Variants in FUNDC2 observed in about 807,000 individuals in gnomAD.
FUNDC2 encodes the protein FUN14 domain-containing protein 2.
FUNDC2 carries 4 observed loss-of-function variants against 15.6 expected under a neutral mutation model. The observed-to-expected ratio is 0.26, with a 90% CI of 0.13 to 0.59. FUNDC2 has a LOEUF of 0.59. Ranked by LOEUF, FUNDC2 falls within the 20% of genes least tolerant of loss-of-function variation. The probability of loss-of-function intolerance (pLI) is 0.90; values close to 1 mark genes in which losing one functional copy is unlikely to be tolerated. For missense variants in FUNDC2, 98 were observed against 149.7 expected (o/e 0.65, Z 1.80); for synonymous variants, 44 against 56.9 (o/e 0.77, Z 1.02).
intron 1 of FUNDC2, among the ~76,000 whole-genome samples, chrX:155,029,193 T>C (rs1029447640): frequency 6.3e-5 from 7 of 111,996 alleles, no homozygotes; most frequent in Non-Finnish European, 1.1e-4. Flanking sequence ...CTGACTCACA[T>C]AGAGTAGCAG....
At chrX:155,029,245 G>GT (rs1306677752) in intron 1 of FUNDC2, among the ~76,000 whole-genome samples, 1 of 112,113 alleles carries the variant, frequency 8.9e-6, no homozygotes, top group East Asian at 2.8e-4. Flanking sequence ...GACCCAGCCT[G>GT]TAAGTCTTCT....
At chrX:155,035,630 G>A (rs930123461) in intron 2 of FUNDC2, among the ~76,000 whole-genome samples, 49 of 111,613 alleles carry the variant, frequency 4.4e-4, no homozygotes, top group African/African-American at 1.5e-3. Context: ...TTTTAGAAGT[G>A]GAATTACATA....
Position 155,057,054 on chromosome X carries a change from AACGGCTGTGAGTTCTGCCC to A in FUNDC2, c.*2387_*2405del, listed in dbSNP as rs1240569363. On this transcript the variant is annotated 3_prime_UTR_variant, in exon 5 of 5. Transcript: ENST00000369498. ...GTTGGCCTCATCCTGCTAGTATGAGAACGGCTGTGAGTTCTGCCCACGGTGTGAGGCCACTGTGACCACT... is the reference window on the plus strand; with the variant it reads ...GTTGGCCTCATCCTGCTAGTATGAGAACGGTGTGAGGCCACTGTGACCACT... The A allele has an allele frequency of 5.1e-5, 5 of 97,175 alleles. No individual in the cohort carries two copies. Among genetic ancestry groups the A allele is most frequent in the African/African-American group, 7.4e-5 (2 of 27,151 alleles). 8.0% of individuals were successfully genotyped at this position (97,175 alleles called of 1,213,427 possible).
At chrX:155,028,379 C>T (rs1042784060) in intron 1 of FUNDC2, among the ~76,000 whole-genome samples, 4 of 111,935 alleles carry the variant, frequency 3.6e-5, no homozygotes, top group Non-Finnish European at 7.5e-5. Flanking sequence ...GGCTACAGCA[C>T]AGTGGCACAA....
intron 2 of FUNDC2, among the ~76,000 whole-genome samples, chrX:155,045,970 G>A (rs916753101): frequency 1.5e-4 from 17 of 110,625 alleles, no homozygotes; most frequent in African/African-American, 5.6e-4. Context: ...TATTCAAAAT[G>A]ACATTATCTC....
At chrX:155,037,760 AGGC>A (rs2073835944) in intron 2 of FUNDC2, among the ~76,000 whole-genome samples, 1 of 110,987 alleles carries the variant, frequency 9.0e-6, no homozygotes, top group Non-Finnish European at 1.9e-5. Context: ...CTGGGATTAT[AGGC>A]GTGAGCCACC....
chrX:155,041,930 G>A (rs5945278), intron 2 of FUNDC2, among the ~76,000 whole-genome samples: 24,959 of 106,433 alleles, frequency 0.23, 2,232 homozygotes, highest in South Asian at 0.37. Context: ...TTAGCCAGTC[G>A]TGGTGGCGGG....
intron 1 of FUNDC2, among the ~76,000 whole-genome samples, chrX:155,027,603 T>A (rs1177397421): frequency 8.9e-6 from 1 of 112,222 alleles, no homozygotes; most frequent in Non-Finnish European, 1.9e-5. Flanking sequence ...GTTTAGGTTG[T>A]ATTTAATTTA....
chrX:155,027,417 T>C (rs2073797428), intron 1 of FUNDC2: 1 of 137,445 alleles, frequency 7.3e-6, no homozygotes, highest in Non-Finnish European at 1.4e-5. Flanking sequence ...AAATGCCTCG[T>C]GGCGTCATTC....
chrX:155,046,124 A>C (rs1557290014), intron 2 of FUNDC2, among the ~76,000 whole-genome samples: 1 of 106,349 alleles, frequency 9.4e-6, no homozygotes, highest in Non-Finnish European at 1.9e-5. Flanking sequence ...TTTTTTCTTC[A>C]CAAACAGTTC....
rs148071362 is a variant in FUNDC2, at chrX:155,053,891, G to C, written c.493-704G>C. The C allele has an allele frequency of 6.7e-6, 5 of 750,069 alleles. No individual in the cohort carries two copies. The African/African-American group carries it at 1.2e-4, about 17-fold the overall frequency. The allele number at this position is 750,069 out of a possible 1,213,427, so 61.8% of individuals were successfully genotyped here. On this transcript the variant is annotated intron_variant, in intron 4 of 4. Transcript: ENST00000369498. Reference sequence around the variant, plus strand: ...CAAAATTGTCTCTGAAATTGGAAGGGTGGGGAGTGGTCAGGAGATTGGTAG... The same window carrying C: ...CAAAATTGTCTCTGAAATTGGAAGGCTGGGGAGTGGTCAGGAGATTGGTAG...
intron 4 of FUNDC2, among the ~76,000 whole-genome samples, chrX:155,052,322 G>C (rs2073881614): frequency 1.8e-5 from 2 of 112,269 alleles, no homozygotes; most frequent in Non-Finnish European, 3.8e-5. Context: ...GCTAACCCCT[G>C]ATCTTGTTCA....
At chrX:155,039,113 T>C (rs1416893528) in intron 2 of FUNDC2, among the ~76,000 whole-genome samples, 1 of 112,341 alleles carries the variant, frequency 8.9e-6, no homozygotes. Flanking sequence ...TGAGCATTTT[T>C]TTCATATACC....
intron 1 of FUNDC2, among the ~76,000 whole-genome samples, chrX:155,031,997 C>T (rs112172090): frequency 1.9e-5 from 2 of 104,873 alleles, no homozygotes; most frequent in African/African-American, 3.6e-5. Context: ...TTTTCTGAGA[C>T]GGAGTTTCAC....
At position 155,055,256 on chromosome X, in the gene FUNDC2, C is replaced by T. The variant is rs1238209527; in HGVS notation, c.*584C>T. The T allele has an allele frequency of 6.4e-5, 19 of 295,227 alleles. No individual in the cohort carries two copies. The highest frequency in any genetic ancestry group is 4.1e-4 in the South Asian group (2 of 4,851). The allele number at this position is 295,227 out of a possible 1,213,427, so 24.3% of individuals were successfully genotyped here. Reference sequence around the variant, plus strand: ...GATATTGTCCAGGAATGCTTTCTACCGTACAGGATAATGTATCTCATGGCT... The same window carrying T: ...GATATTGTCCAGGAATGCTTTCTACTGTACAGGATAATGTATCTCATGGCT... On this transcript the variant is annotated 3_prime_UTR_variant, in exon 5 of 5. Transcript: ENST00000369498.
At chrX:155,038,937 A>G (rs1427971004) in intron 2 of FUNDC2, among the ~76,000 whole-genome samples, 5 of 112,290 alleles carry the variant, frequency 4.5e-5, no homozygotes, top group African/African-American at 9.7e-5. Context: ...ACAGTTTTCC[A>G]TAATGGCTCT....
chrX:155,049,340 G>C (rs1557290296), intron 3 of FUNDC2: 1 of 112,872 alleles, frequency 8.9e-6, no homozygotes, highest in South Asian at 3.6e-4. Context: ...CCACCCAGGG[G>C]ACTTCACCAC....
chrX:155,050,323 C>T (rs1157846355), intron 3 of FUNDC2: 1 of 111,651 alleles, frequency 9.0e-6, no homozygotes, highest in Non-Finnish European at 1.9e-5. Context: ...TGAGTCCTGC[C>T]TTGAGGTTAG....
rs1411400256 is a variant in FUNDC2, at chrX:155,060,298, G to T, written c.*5626G>T. On this transcript the variant is annotated 3_prime_UTR_variant, in exon 5 of 5. Coordinates refer to ENST00000369498, the MANE Select transcript of FUNDC2 (RefSeq NM_023934.4). ...AGATGGTGTAACATTAAAGTTGTAT[G>T]ATGTTTTATTGTGTTATTATTAACA... 1 of 112,043 alleles carries T rather than the reference G, an allele frequency of 8.9e-6. No homozygotes were observed. The highest frequency in any genetic ancestry group is 3.2e-5 in the African/African-American group (1 of 30,786). 9.2% of individuals were successfully genotyped at this position (112,043 alleles called of 1,213,427 possible). A position where few individuals can be genotyped will look rare whatever the true frequency, so the allele number is the denominator to read the frequency against.
Sources: allele counts gnomAD v4.1 joint callset (sites outside exome capture counted in the v4.1 genomes callset), GRCh38; gene constraint gnomAD v4.1.1; transcripts MANE v1.5; gene names NCBI Gene and HGNC (gene_info 2026-07-23, HGNC 2026-07-21).